The following TESPA1 variants were observed in gnomAD, a reference collection of about 807,000 sequenced individuals.
The protein encoded by TESPA1 is thymocyte expressed, positive selection associated 1, also known as protein TESPA1.
In TESPA1, 33 loss-of-function variants were observed where a neutral mutation model predicts 57.9. The ratio of observed to expected loss-of-function variants is 0.57; its 90% CI spans 0.43 to 0.76. The LOEUF (loss-of-function observed/expected upper bound fraction) is 0.76, where lower values mean the gene tolerates loss of function less well. Among genes scored for constraint, TESPA1 ranks in the 30% least tolerant of loss-of-function variants. The pLI, the probability that TESPA1 is intolerant of heterozygous loss-of-function variation, is 0.00. For synonymous variants in TESPA1, 227 were observed against 228.9 expected (o/e 0.99, Z 0.07); for missense variants, 618 against 632.9 (o/e 0.98, Z 0.25).
intron 3 of TESPA1, among the ~76,000 whole-genome samples, chr12:54,968,831 A>C (rs1428473655): frequency 1.3e-5 from 2 of 151,968 alleles, no homozygotes; most frequent in African/African-American, 4.8e-5. Context: ...GAGAAACTGA[A>C]GTGCATCCAC....
intron 1 of TESPA1, 62 bp from the exon 2 acceptor site, chr12:54,974,669 G>T (rs149187153): frequency 1.6e-6 from 2 of 1,261,728 alleles, no homozygotes; most frequent in East Asian, 3.0e-5. Context: ...ATGATGCTCA[G>T]GGTTGCCCCC....
intron 1 of TESPA1, among the ~76,000 whole-genome samples, chr12:54,981,259 ACAT>A (rs1456952868): frequency 2.0e-5 from 3 of 152,184 alleles, no homozygotes; most frequent in Admixed American, 1.3e-4. Flanking sequence ...TAAAGTTGAA[ACAT>A]CTTGAGGAAT....
intron 1 of TESPA1, among the ~76,000 whole-genome samples, chr12:54,983,622 C>T (rs1486005235): frequency 2.0e-5 from 3 of 152,162 alleles, no homozygotes; most frequent in Non-Finnish European, 4.4e-5. Flanking sequence ...CTGGATATCT[C>T]CTGTAAATGC....
chr12:54,979,986 C>T (rs559521735), intron 1 of TESPA1, among the ~76,000 whole-genome samples: 4 of 152,222 alleles, frequency 2.6e-5, no homozygotes, highest in African/African-American at 9.6e-5. Flanking sequence ...TTATGGTTAC[C>T]TGACCCTCAC....
At chr12:54,952,055 A>G (rs1950434410) in intron 10 of TESPA1, among the ~76,000 whole-genome samples, 1 of 152,200 alleles carries the variant, frequency 6.6e-6, no homozygotes, top group Non-Finnish European at 1.5e-5. Context: ...GATAGTATCA[A>G]GAGGTGAGGT....
Position 54,961,232 on chromosome 12 carries a change from A to T in TESPA1, c.1503T>A (p.Ser501Arg). The T allele has an allele frequency of 6.2e-7, 1 of 1,613,750 alleles. No homozygotes were observed. ...GGTGCCTGGGTCTGCTGGGCCAGCG[A>T]CTCTGACTCTGCTCCTCCTCACTGT... Reference protein sequence around the residue: ...QSNSEEEQSQSRWPSRPRHPH... With the variant: ...QSNSEEEQSQRRWPSRPRHPH... Residue 501 changes from serine (S) to arginine (R), a missense_variant, in exon 10 of 11, where the codon AGT becomes AGA. Physicochemically the swap from Ser to Arg is moderately radical, Grantham distance 110 (BLOSUM62 -1). Transcript: ENST00000449076.
At position 54,949,654 on chromosome 12, in the gene TESPA1, T is replaced by C. The variant is rs961737741; in HGVS notation, c.*738A>G. Reference sequence around the variant, plus strand: ...TGATTTAAAAAAAATATTTGTATTGTTTTCTGCCAACAGAAATAGCATTTT... The same window carrying C: ...TGATTTAAAAAAAATATTTGTATTGCTTTCTGCCAACAGAAATAGCATTTT... On this transcript the variant is annotated 3_prime_UTR_variant, in exon 11 of 11. Coordinates refer to ENST00000449076, the MANE Select transcript of TESPA1 (RefSeq NM_001136030.3). 3.3e-5 allele frequency: 5 copies of C among 152,534 alleles called. No individual in the cohort carries two copies. Among genetic ancestry groups the C allele is most frequent in the Admixed American group, 3.3e-4 (5 of 15,278 alleles). The allele number at this position is 152,534 out of a possible 1,614,324, so 9.4% of individuals were successfully genotyped here.
chr12:54,974,390 C>A lies in TESPA1; in HGVS notation c.163+10G>T. ...ACAACATAGACGCCTGTCTGATGTTCGTCTCTTACCTTCTTGGAAAACGTC... is the reference window on the plus strand; with the variant it reads ...ACAACATAGACGCCTGTCTGATGTTAGTCTCTTACCTTCTTGGAAAACGTC... On this transcript the variant is annotated intron_variant, in intron 2 of 10. Transcript: ENST00000449076. 1 of 1,590,206 alleles carries A rather than the reference C, an allele frequency of 6.3e-7. No individual in the cohort carries two copies. The highest frequency in any genetic ancestry group is 8.6e-7 in the Non-Finnish European group (1 of 1,168,188).
chr12:54,967,577 C>T lies in TESPA1; in HGVS notation c.256+266G>A, dbSNP rs185163278. The stretch of plus-strand genomic sequence containing the variant: ...ACACATATTTTATAAAGTTCTTTTC[C>T]TATAGCAGTGGTTGTTATCTGAGCA... On this transcript the variant is annotated intron_variant, in intron 4 of 10. Coordinates refer to ENST00000449076, the MANE Select transcript of TESPA1 (RefSeq NM_001136030.3). Among the ~76,000 whole-genome samples, 41 of 152,152 alleles carry T rather than the reference C, an allele frequency of 2.7e-4. 1 individual carries two copies. Among genetic ancestry groups the T allele is most frequent in the African/African-American group, 9.9e-4 (41 of 41,512 alleles).
In TESPA1 at chr12:54,963,047, C is replaced by T. The variant is rs200509256; in HGVS notation, c.851G>A (p.Arg284Gln). The T allele has an allele frequency of 4.7e-5, 76 of 1,613,674 alleles. No individual in the cohort carries two copies. In the African/African-American group the frequency reaches 4.9e-4, roughly 10 times the overall value. The stretch of plus-strand genomic sequence containing the variant: ...CAGACACATCTTGGAGATGGCTTTC[C>T]GAAGGCGGTCTCTGGGTGACTGGGG... ...PEPQSPRDRL[R>Q]KAISKMCLYT... The change falls in exon 9 of 11, where the codon CGG becomes CAG. Residue 284 changes from arginine to glutamine, a missense_variant. By Grantham distance (43) the Arg-to-Gln change is conservative (BLOSUM62 1). Around this residue, in one of 3 missense-constraint regions of TESPA1, gnomAD observed 409 missense variants for 420.1 expected, o/e 0.97. Coordinates refer to ENST00000449076, the MANE Select transcript of TESPA1 (RefSeq NM_001136030.3).
chr12:54,973,372 G>A, intron 3 of TESPA1, 105 bp downstream of exon 3: 2 of 1,515,240 alleles, frequency 1.3e-6, no homozygotes, highest in East Asian at 4.5e-5. Flanking sequence ...TAATCTTTAG[G>A]CCCAAATCAA....
intron 3 of TESPA1, among the ~76,000 whole-genome samples, chr12:54,970,162 T>C (rs1227731012): frequency 1.3e-5 from 2 of 152,156 alleles, no homozygotes; most frequent in African/African-American, 2.4e-5. Flanking sequence ...GGTCTTGAAC[T>C]CTTGGGCTCA....
chr12:54,977,222 C>G (rs1261445555), intron 1 of TESPA1, among the ~76,000 whole-genome samples: 1 of 152,086 alleles, frequency 6.6e-6, no homozygotes, highest in Non-Finnish European at 1.5e-5. Context: ...AACAGAATCT[C>G]ACACATTGTA....
intron 10 of TESPA1, among the ~76,000 whole-genome samples, chr12:54,956,714 GATAACGGCA>G (rs1439465705): frequency 6.6e-6 from 1 of 152,152 alleles, no homozygotes; most frequent in Admixed American, 6.5e-5. Flanking sequence ...CAATACCACA[GATAACGGCA>G]ATTTTTAAAG....
chr12:54,953,522 C>CTTTTTTTTTTTTTTTTTTTTTTTT (rs1178610425), intron 10 of TESPA1, among the ~76,000 whole-genome samples: 4 of 135,366 alleles, frequency 3.0e-5, no homozygotes, highest in East Asian at 2.9e-4. Context: ...TTTTTATTTA[C>CTTTTTTTTTTTTTTTTTTTTTTTT]TTTTTTTTTT....
chr12:54,953,980 A>T (rs1950575143), intron 10 of TESPA1, among the ~76,000 whole-genome samples: 1 of 152,224 alleles, frequency 6.6e-6, no homozygotes, highest in Non-Finnish European at 1.5e-5. Flanking sequence ...GCATCCTGTG[A>T]ACATTTCTGC....
chr12:54,966,292 TG>T, intron 6 of TESPA1, 95 bp downstream of exon 6: 1 of 1,594,684 alleles, frequency 6.3e-7, no homozygotes, highest in Non-Finnish European at 8.6e-7. Context: ...CTCTCTAATG[TG>T]AATCTTTAGC....
chr12:54,965,391 T>A (rs1951363079), intron 7 of TESPA1, among the ~76,000 whole-genome samples: 1 of 152,168 alleles, frequency 6.6e-6, no homozygotes, highest in South Asian at 2.1e-4. Flanking sequence ...TTCCCCTCCC[T>A]GTGTCCATGT....
At chr12:54,970,276 A>G (rs1951750048) in intron 3 of TESPA1, among the ~76,000 whole-genome samples, 1 of 152,204 alleles carries the variant, frequency 6.6e-6, no homozygotes, top group Non-Finnish European at 1.5e-5. Flanking sequence ...TTCAGTAAGT[A>G]TATTATACTT....
Sources: allele counts gnomAD v4.1 joint callset (sites outside exome capture counted in the v4.1 genomes callset), GRCh38; gene constraint gnomAD v4.1.1; regional missense constraint gnomAD v4.1.1; transcripts MANE v1.5; gene names NCBI Gene and HGNC (gene_info 2026-07-23, HGNC 2026-07-21).